The following C1orf21 variants were observed in gnomAD, a reference collection of about 807,000 sequenced individuals.
The protein encoded by C1orf21 is uncharacterized protein C1orf21.
In C1orf21, 3 loss-of-function variants were observed where a neutral mutation model predicts 18.7. The ratio of observed to expected loss-of-function variants is 0.16; its 90% CI spans 0.07 to 0.42. The LOEUF (loss-of-function observed/expected upper bound fraction) is 0.42. Ranked by LOEUF, C1orf21 falls within the 10% of genes least tolerant of loss-of-function variation. The probability of loss-of-function intolerance (pLI) is 0.99; values close to 1 mark genes in which losing one functional copy is unlikely to be tolerated. For missense variants in C1orf21, 104 were observed against 143.6 expected, an observed-to-expected ratio of 0.72 and a Z score of 1.41; for synonymous variants, 41 against 46.4, an observed-to-expected ratio of 0.88 and a Z score of 0.47.
chr1:184,612,688 A>G (rs1010266722), intron 5 of C1orf21, among the ~76,000 whole-genome samples: 1 of 149,168 alleles, frequency 6.7e-6, no homozygotes, highest in Admixed American at 6.6e-5. Context: ...CTCAAAAAAC[A>G]AAAAAAAGCC....
chr1:184,451,619 A>T (rs1657125132), intron 1 of C1orf21, among the ~76,000 whole-genome samples: 6 of 151,916 alleles, frequency 3.9e-5, no homozygotes, highest in Admixed American at 3.9e-4. Flanking sequence ...ACATTTTTCT[A>T]ATCTCAGTCT....
At chr1:184,552,701 C>A (rs1229173241) in intron 3 of C1orf21, among the ~76,000 whole-genome samples, 1 of 151,846 alleles carries the variant, frequency 6.6e-6, no homozygotes, top group Non-Finnish European at 1.5e-5. Flanking sequence ...TATAAACCAC[C>A]AAAAAAGCAT....
intron 1 of C1orf21, among the ~76,000 whole-genome samples, chr1:184,431,513 A>G (rs1656761929): frequency 6.6e-6 from 1 of 152,200 alleles, no homozygotes; most frequent in Non-Finnish European, 1.5e-5. Context: ...AACCATAAAA[A>G]CCCTAGAAGA....
intron 2 of C1orf21, among the ~76,000 whole-genome samples, chr1:184,506,832 T>C (rs1658069753): frequency 6.6e-6 from 1 of 152,184 alleles, no homozygotes; most frequent in African/African-American, 2.4e-5. Context: ...GTGTTCTCTG[T>C]CTGGCTGTTG....
At chr1:184,538,141 CA>C (rs1264241989) in intron 3 of C1orf21, among the ~76,000 whole-genome samples, 1 of 152,026 alleles carries the variant, frequency 6.6e-6, no homozygotes, top group African/African-American at 2.4e-5. Context: ...TCTGGGTTTT[CA>C]TGAGAGTAGT....
chr1:184,433,130 CAGT>C (rs1318524259), intron 1 of C1orf21, among the ~76,000 whole-genome samples: 4 of 152,168 alleles, frequency 2.6e-5, no homozygotes, highest in Non-Finnish European at 5.9e-5. Context: ...CTGTTGGCCT[CAGT>C]GGTGTAGCAG....
intron 3 of C1orf21, among the ~76,000 whole-genome samples, chr1:184,569,587 T>C (rs1181561079): frequency 6.6e-6 from 1 of 152,198 alleles, no homozygotes; most frequent in East Asian, 1.9e-4. Flanking sequence ...CTGGGTGCAA[T>C]GGCAGGTGCC....
intron 2 of C1orf21, among the ~76,000 whole-genome samples, chr1:184,486,385 A>C (rs1031773366): frequency 9.2e-5 from 14 of 152,304 alleles, no homozygotes; most frequent in African/African-American, 3.4e-4. Context: ...TTTGTTTCCA[A>C]ATCTATAATA....
At chr1:184,607,800 AATT>A (rs1006437659) in intron 5 of C1orf21, among the ~76,000 whole-genome samples, 8 of 151,708 alleles carry the variant, frequency 5.3e-5, no homozygotes, top group African/African-American at 1.9e-4. Context: ...TTTCAAATAC[AATT>A]ATTAAGTGAA....
chr1:184,504,682 G>T (rs1333756870), intron 2 of C1orf21, among the ~76,000 whole-genome samples: 2 of 152,190 alleles, frequency 1.3e-5, no homozygotes, highest in Non-Finnish European at 2.9e-5. Context: ...TGTACAAATT[G>T]TGGCCTATTG....
chr1:184,576,097 G>A (rs1225242946), intron 3 of C1orf21, among the ~76,000 whole-genome samples: 1 of 151,854 alleles, frequency 6.6e-6, no homozygotes, highest in African/African-American at 2.4e-5. Flanking sequence ...TTCTGCAGAG[G>A]TAAATCAAGT....
At chr1:184,597,157 C>A (rs1187872216) in intron 4 of C1orf21, among the ~76,000 whole-genome samples, 1 of 152,104 alleles carries the variant, frequency 6.6e-6, no homozygotes, top group East Asian at 1.9e-4. Context: ...GGGCGTGTTT[C>A]CCAAACAAAA....
At chr1:184,484,307 C>T (rs12138103) in intron 2 of C1orf21, among the ~76,000 whole-genome samples, 36,202 of 151,956 alleles carry the variant, frequency 0.24, 4,556 homozygotes, top group African/African-American at 0.33. Flanking sequence ...CTGCTCTAGG[C>T]CCTCCAGTAC....
chr1:184,518,382 T>C (rs1658260315), intron 3 of C1orf21, among the ~76,000 whole-genome samples: 1 of 152,208 alleles, frequency 6.6e-6, no homozygotes, highest in African/African-American at 2.4e-5. Flanking sequence ...ACACCTGGCT[T>C]CATTTCTGTT....
chr1:184,603,195 A>G (rs1659607385), intron 5 of C1orf21, among the ~76,000 whole-genome samples: 1 of 152,248 alleles, frequency 6.6e-6, no homozygotes, highest in African/African-American at 2.4e-5. Context: ...AGCTGCAGTC[A>G]TGAGCATGCA....
At chr1:184,548,815 T>G (rs77033738) in intron 3 of C1orf21, among the ~76,000 whole-genome samples, 4,461 of 152,286 alleles carry the variant, frequency 0.029, 202 homozygotes, top group African/African-American at 0.1. Context: ...CCTGTGACTT[T>G]TCAACAGTAA....
At chr1:184,432,723 A>G (rs1656785304) in intron 1 of C1orf21, among the ~76,000 whole-genome samples, 1 of 152,190 alleles carries the variant, frequency 6.6e-6, no homozygotes, top group African/African-American at 2.4e-5. Flanking sequence ...GGAAAAATAC[A>G]GCCCCATGTC....
chr1:184,499,058 G>A (rs1657934158), intron 2 of C1orf21, among the ~76,000 whole-genome samples: 1 of 152,022 alleles, frequency 6.6e-6, no homozygotes. Context: ...ACATTGAAAG[G>A]GCTCTGTAAA....
intron 3 of C1orf21, among the ~76,000 whole-genome samples, chr1:184,530,727 T>A (rs1175768485): frequency 6.6e-6 from 1 of 151,962 alleles, no homozygotes; most frequent in Non-Finnish European, 1.5e-5. Flanking sequence ...CTTATAGCTA[T>A]TTTTATTCAG....
Sources: gnomAD v4.1 joint callset for allele counts (sites outside exome capture counted in the v4.1 genomes callset) on GRCh38, gnomAD v4.1.1 for gene constraint, MANE v1.5 for transcripts, NCBI Gene and HGNC (gene_info 2026-07-23, HGNC 2026-07-21) for gene names.